MYRIP: variants seen among roughly 807,000 people sequenced by gnomAD.
MYRIP encodes myosin VIIA and Rab interacting protein, also known as rab effector MyRIP.
In MYRIP, 49 loss-of-function variants were observed where a neutral mutation model predicts 98.0. The ratio of observed to expected loss-of-function variants is 0.50; its 90% confidence interval spans 0.40 to 0.63. MYRIP has a LOEUF of 0.63. MYRIP is among the 30% of genes least tolerant of loss of function. MYRIP has a pLI of 0.00. For synonymous variants in MYRIP, 404 were observed against 409.5 expected (o/e 0.99, Z 0.16); for missense variants, 1,004 against 1,058.2 (o/e 0.95, Z 0.71).
chr3:40,100,127 C>A, intron 3 of MYRIP: 1 of 985,388 alleles, frequency 1.0e-6, no homozygotes, highest in Non-Finnish European at 1.2e-6. Context: ...CTTTTCTGGC[C>A]ATGAGGACAT....
At chr3:39,904,547 T>TA (rs1261846387) in intron 2 of MYRIP, among the ~76,000 whole-genome samples, 1 of 152,148 alleles carries the variant, frequency 6.6e-6, no homozygotes, top group Admixed American at 6.5e-5. Flanking sequence ...TGTTTTTTTT[T>TA]ATTTCCCAAA....
chr3:39,839,050 T>C (rs1418282344), intron 1 of MYRIP, among the ~76,000 whole-genome samples: 1 of 152,098 alleles, frequency 6.6e-6, no homozygotes, highest in African/African-American at 2.4e-5. Flanking sequence ...CCCTTTATTA[T>C]TTTTTATTGT....
intron 2 of MYRIP, among the ~76,000 whole-genome samples, chr3:39,959,953 G>A (rs1945280478): frequency 6.6e-6 from 1 of 152,016 alleles, no homozygotes; most frequent in African/African-American, 2.4e-5. Context: ...CTTGTGATAT[G>A]AGGTACAAAA....
intron 2 of MYRIP, among the ~76,000 whole-genome samples, chr3:39,990,813 A>G (rs1348610297): frequency 6.6e-6 from 1 of 152,196 alleles, no homozygotes; most frequent in African/African-American, 2.4e-5. Context: ...TAGTTTTTGC[A>G]GGCACATGGC....
chr3:40,137,878 G>C (rs1949814636), intron 3 of MYRIP, among the ~76,000 whole-genome samples: 1 of 152,190 alleles, frequency 6.6e-6, no homozygotes, highest in Non-Finnish European at 1.5e-5. Context: ...TGGGAAGATG[G>C]CCACACCCCA....
In MYRIP at chr3:40,135,351, C is replaced by T. The variant is rs141206218; in HGVS notation, c.333-15697C>T. On this transcript the variant is annotated intron_variant, in intron 3 of 16. Transcript: ENST00000302541. Reference sequence around the variant, plus strand: ...TTAGAGAAAAAAGAATAAAAAGAAACGAAAAAAGCCTCCAAGAAATATGGG... The same window carrying T: ...TTAGAGAAAAAAGAATAAAAAGAAATGAAAAAAGCCTCCAAGAAATATGGG... Among the ~76,000 whole-genome samples, 659 of 151,972 alleles carry T rather than the reference C, an allele frequency of 4.3e-3. 2 individuals carry two copies. The highest frequency in any genetic ancestry group is 0.013 in the African/African-American group (540 of 41,458).
chr3:39,994,855 T>C (rs1260509001), intron 2 of MYRIP, among the ~76,000 whole-genome samples: 1 of 152,136 alleles, frequency 6.6e-6, no homozygotes, highest in Admixed American at 6.5e-5. Context: ...AGAGGAACAA[T>C]TAGGCAGCAA....
chr3:39,920,714 G>A (rs1028657463), intron 2 of MYRIP, among the ~76,000 whole-genome samples: 1 of 152,156 alleles, frequency 6.6e-6, no homozygotes, highest in African/African-American at 2.4e-5. Context: ...CACAGGGGAA[G>A]CTTTTTCAGT....
intron 3 of MYRIP, among the ~76,000 whole-genome samples, chr3:40,101,756 A>C (rs1948950058): frequency 6.6e-6 from 1 of 152,104 alleles, no homozygotes; most frequent in African/African-American, 2.4e-5. Flanking sequence ...ATATATTCTT[A>C]TTAATCATTT....
At chr3:39,974,563 C>T (rs561961287) in intron 2 of MYRIP, among the ~76,000 whole-genome samples, 1 of 152,326 alleles carries the variant, frequency 6.6e-6, no homozygotes, top group East Asian at 1.9e-4. Context: ...AGGCCAGCAT[C>T]ATCCCGGTAC....
At chr3:40,185,431 A>G (rs1177092665) in intron 9 of MYRIP, among the ~76,000 whole-genome samples, 1 of 152,178 alleles carries the variant, frequency 6.6e-6, no homozygotes, top group African/African-American at 2.4e-5. Flanking sequence ...TGTCTGCACA[A>G]TAATGGAAGA....
At chr3:40,176,745 T>C (rs1950769653) in intron 8 of MYRIP, among the ~76,000 whole-genome samples, 1 of 151,474 alleles carries the variant, frequency 6.6e-6, no homozygotes, top group East Asian at 1.9e-4. Context: ...CTGTCTCTAC[T>C]AAAAATACAA....
At chr3:40,077,963 C>T (rs1050825645) in intron 3 of MYRIP, among the ~76,000 whole-genome samples, 7 of 152,216 alleles carry the variant, frequency 4.6e-5, no homozygotes, top group Admixed American at 1.3e-4. Context: ...TGGGACTGGG[C>T]GCCGTGGAGC....
chr3:39,864,767 A>G (rs750660997), intron 1 of MYRIP, among the ~76,000 whole-genome samples: 1 of 152,210 alleles, frequency 6.6e-6, no homozygotes, highest in Non-Finnish European at 1.5e-5. Flanking sequence ...TCAAACTACC[A>G]ATGACATTCT....
At chr3:40,042,731 C>T (rs1947569000) in intron 2 of MYRIP, among the ~76,000 whole-genome samples, 1 of 152,070 alleles carries the variant, frequency 6.6e-6, no homozygotes, top group African/African-American at 2.4e-5. Flanking sequence ...TAGTAGAATG[C>T]TGTAGTAAAA....
chr3:40,057,584 CA>C (rs1553609547), intron 3 of MYRIP, among the ~76,000 whole-genome samples: 3 of 152,178 alleles, frequency 2.0e-5, no homozygotes, highest in Non-Finnish European at 4.4e-5. Context: ...TGGCTTCTCA[CA>C]GACCACCCCT....
intron 12 of MYRIP, among the ~76,000 whole-genome samples, 189 bp from the exon 13 acceptor site, chr3:40,244,257 C>A (rs553686372): frequency 9.8e-5 from 15 of 152,324 alleles, no homozygotes; most frequent in Admixed American, 9.2e-4. Context: ...GTGTGGTTGA[C>A]AGTGAGGGGT....
intron 13 of MYRIP, chr3:40,248,619 A>G (rs1223462396): frequency 6.6e-6 from 1 of 152,198 alleles, no homozygotes; most frequent in Non-Finnish European, 1.5e-5. Flanking sequence ...CCACAAATGA[A>G]GAGGTCAGCA....
chr3:39,966,886 C>T (rs917518861), intron 2 of MYRIP, among the ~76,000 whole-genome samples: 3 of 152,172 alleles, frequency 2.0e-5, no homozygotes, highest in Non-Finnish European at 4.4e-5. Flanking sequence ...CAATGTGATC[C>T]CTTGAAATTA....
Sources: gnomAD v4.1 joint callset for allele counts (sites outside exome capture counted in the v4.1 genomes callset) on GRCh38, gnomAD v4.1.1 for gene constraint, MANE v1.5 for transcripts, NCBI Gene and HGNC (gene_info 2026-07-23, HGNC 2026-07-21) for gene names.